BRMS1L: variants seen among roughly 807,000 people sequenced by gnomAD.
BRMS1L encodes breast cancer metastasis-suppressor 1-like protein.
In BRMS1L, 23 loss-of-function variants were observed where a neutral mutation model predicts 50.3. The ratio of observed to expected loss-of-function variants is 0.46; its 90% CI spans 0.33 to 0.65. The LOEUF (loss-of-function observed/expected upper bound fraction) is 0.65, where lower values mean the gene tolerates loss of function less well. Ranked by LOEUF, BRMS1L falls within the 30% of genes least tolerant of loss-of-function variation. The probability of loss-of-function intolerance (pLI) is 0.02; values close to 1 mark genes in which losing one functional copy is unlikely to be tolerated. For missense variants in BRMS1L, 286 were observed against 386.1 expected, an observed-to-expected ratio of 0.74 and a Z score of 2.17; for synonymous variants, 114 against 126.9, an observed-to-expected ratio of 0.90 and a Z score of 0.69.
At chr14:35,852,799 C>T (rs988520380) in intron 4 of BRMS1L, among the ~76,000 whole-genome samples, 1 of 152,012 alleles carries the variant, frequency 6.6e-6, no homozygotes, top group Admixed American at 6.6e-5. Context: ...GGCGCGGTGG[C>T]GGGCACCTGT....
chr14:35,849,298 G>A (rs1207518720), intron 4 of BRMS1L, among the ~76,000 whole-genome samples: 1 of 152,030 alleles, frequency 6.6e-6, no homozygotes, highest in Non-Finnish European at 1.5e-5. Flanking sequence ...CTTTTTGTTT[G>A]TTTGTTTTTG....
chr14:35,858,659 G>C (rs2142058803), intron 4 of BRMS1L: 1 of 152,246 alleles, frequency 6.6e-6, no homozygotes, highest in South Asian at 2.1e-4. Flanking sequence ...GAAGATATCA[G>C]CCAGGGATGC....
chr14:35,846,963 G>T (rs1383426758), intron 4 of BRMS1L, among the ~76,000 whole-genome samples: 2 of 151,446 alleles, frequency 1.3e-5, no homozygotes, highest in Non-Finnish European at 2.9e-5. Flanking sequence ...TTATATTGCT[G>T]TTTTTTTAAA....
chr14:35,853,714 A>G (rs571099685), intron 4 of BRMS1L, among the ~76,000 whole-genome samples: 90 of 152,266 alleles, frequency 5.9e-4, no homozygotes, highest in African/African-American at 2.0e-3. Flanking sequence ...GGCGTGAACC[A>G]CTGTGCCCAA....
intron 1 of BRMS1L, among the ~76,000 whole-genome samples, chr14:35,829,285 C>A (rs1020953386): frequency 1.6e-4 from 24 of 152,184 alleles, no homozygotes; most frequent in Non-Finnish European, 2.9e-4. Flanking sequence ...ATTTTGTCTT[C>A]AGATGTTCTT....
At chr14:35,849,290 TTTTG>T (rs2078178251) in intron 4 of BRMS1L, among the ~76,000 whole-genome samples, 1 of 152,130 alleles carries the variant, frequency 6.6e-6, no homozygotes, top group Admixed American at 6.5e-5. Context: ...TCTTTTGTCT[TTTTG>T]TTTGTTTGTT....
chr14:35,828,178 C>A (rs1215105814), intron 1 of BRMS1L, among the ~76,000 whole-genome samples: 1 of 149,330 alleles, frequency 6.7e-6, no homozygotes, highest in Non-Finnish European at 1.5e-5. Flanking sequence ...TTTTTTTTTT[C>A]TTTTCTCTCT....
intron 4 of BRMS1L, among the ~76,000 whole-genome samples, chr14:35,842,968 C>G (rs2078086304): frequency 6.6e-6 from 1 of 152,136 alleles, no homozygotes. Flanking sequence ...TTTATCAATT[C>G]AGCTGTTGAT....
At chr14:35,867,748 GAATA>G in intron 8 of BRMS1L, 154 bp from the exon 9 acceptor site, 1 of 556,698 alleles carries the variant, frequency 1.8e-6, no homozygotes, top group Non-Finnish European at 2.7e-6. Flanking sequence ...AGAATGTAAG[GAATA>G]AATCTTTTTA....
intron 4 of BRMS1L, among the ~76,000 whole-genome samples, chr14:35,848,528 T>C (rs60538055): frequency 0.019 from 2,850 of 152,158 alleles, 76 homozygotes; most frequent in African/African-American, 0.063. Context: ...CCTTTCATAA[T>C]ATTATCCTGC....
chr14:35,830,613 C>G (rs1407060348), intron 1 of BRMS1L, among the ~76,000 whole-genome samples: 1 of 152,162 alleles, frequency 6.6e-6, no homozygotes, highest in African/African-American at 2.4e-5. Context: ...CAGCCTCAGC[C>G]TCCCAAAGTG....
chr14:35,829,587 T>C (rs570710915), intron 1 of BRMS1L, among the ~76,000 whole-genome samples: 1 of 152,254 alleles, frequency 6.6e-6, no homozygotes, highest in Non-Finnish European at 1.5e-5. Flanking sequence ...ATGTTGGTGC[T>C]GAGCAAATTC....
At position 35,843,512 on chromosome 14, in the gene BRMS1L, G is replaced by T. The variant is rs2078093205; in HGVS notation, c.441+8589G>T. Among the ~76,000 whole-genome samples, 3 of 152,336 alleles carry T rather than the reference G, an allele frequency of 2.0e-5. No individual in the cohort carries two copies. In the South Asian group the frequency reaches 6.2e-4, roughly 32 times the overall value. ...GTTTGCCTGGTTATCACCAGTGGAG[G>T]CTGCAAAACAGCAAAGATTGCTGCC... On this transcript the variant is annotated intron_variant, in intron 4 of 9. Coordinates refer to ENST00000216807, the MANE Select transcript of BRMS1L (RefSeq NM_032352.4).
chr14:35,834,481 C>T (rs1193564922), intron 3 of BRMS1L, among the ~76,000 whole-genome samples: 1 of 152,100 alleles, frequency 6.6e-6, no homozygotes, highest in Non-Finnish European at 1.5e-5. Context: ...TGATTGATGA[C>T]ACCAGAGTTT....
At chr14:35,830,215 A>G (rs1202189035) in intron 1 of BRMS1L, among the ~76,000 whole-genome samples, 2 of 152,168 alleles carry the variant, frequency 1.3e-5, no homozygotes, top group African/African-American at 4.8e-5. Flanking sequence ...GATTACAGGC[A>G]TGTGCCACCA....
At chr14:35,844,177 CTT>C (rs2078102181) in intron 4 of BRMS1L, among the ~76,000 whole-genome samples, 1 of 152,178 alleles carries the variant, frequency 6.6e-6, no homozygotes, top group African/African-American at 2.4e-5. Flanking sequence ...GCTTCAGCCT[CTT>C]TTCGAGGGAA....
chr14:35,868,265 T>A (rs533127030), intron 9 of BRMS1L, among the ~76,000 whole-genome samples: 10 of 152,308 alleles, frequency 6.6e-5, no homozygotes. Flanking sequence ...AATGTTGAAA[T>A]TATTTAGCCA....
At chr14:35,868,557 G>C (rs2142066549) in intron 9 of BRMS1L, among the ~76,000 whole-genome samples, 1 of 152,308 alleles carries the variant, frequency 6.6e-6, no homozygotes, top group South Asian at 2.1e-4. Flanking sequence ...AGCTGAGGCA[G>C]GATTGGGTGA....
At chr14:35,836,262 C>G (rs1036088110) in intron 4 of BRMS1L, among the ~76,000 whole-genome samples, 2 of 152,202 alleles carry the variant, frequency 1.3e-5, no homozygotes, top group African/African-American at 4.8e-5. Context: ...TGTTTTCACT[C>G]TTTCTGATGA....
Sources: gnomAD v4.1 joint callset for allele counts (sites outside exome capture counted in the v4.1 genomes callset) on GRCh38, gnomAD v4.1.1 for gene constraint, MANE v1.5 for transcripts, NCBI Gene and HGNC (gene_info 2026-07-23, HGNC 2026-07-21) for gene names.